CSMD2: variants seen among roughly 807,000 people sequenced by gnomAD.
CSMD2 encodes CUB and Sushi multiple domains 2, also known as CUB and sushi domain-containing protein 2.
A neutral mutation model predicts 398.5 loss-of-function variants in CSMD2; 130 were observed. That is an observed-to-expected ratio of 0.33 (90% CI 0.28 to 0.38). CSMD2 has a LOEUF of 0.38. Ranked by LOEUF, CSMD2 falls within the 10% of genes least tolerant of loss-of-function variation. The probability of loss-of-function intolerance (pLI) is 1.00; values close to 1 mark genes in which losing one functional copy is unlikely to be tolerated. For missense variants in CSMD2, 3,829 were observed against 4,764.9 expected, an observed-to-expected ratio of 0.80 and a Z score of 5.78; for synonymous variants, 1,828 against 1,908.5, an observed-to-expected ratio of 0.96 and a Z score of 1.10.
At chr1:33,732,166 A>T (rs1646741960) in intron 15 of CSMD2, among the ~76,000 whole-genome samples, 1 of 152,192 alleles carries the variant, frequency 6.6e-6, no homozygotes, top group Non-Finnish European at 1.5e-5. Flanking sequence ...AAAAGAAGGA[A>T]GGATCCTCTC....
chr1:33,811,838 G>A (rs553996398), intron 9 of CSMD2, among the ~76,000 whole-genome samples: 1 of 152,330 alleles, frequency 6.6e-6, no homozygotes, highest in East Asian at 1.9e-4. Context: ...CTAAGAGCCT[G>A]TTCTCATGCT....
intron 3 of CSMD2, among the ~76,000 whole-genome samples, chr1:33,980,600 A>C (rs1646131419): frequency 6.6e-6 from 1 of 152,046 alleles, no homozygotes. Flanking sequence ...CTCTCTGTCC[A>C]CTCAACCATT....
intron 15 of CSMD2, among the ~76,000 whole-genome samples, chr1:33,731,162 G>T (rs990095074): frequency 1.3e-5 from 2 of 152,162 alleles, no homozygotes; most frequent in Admixed American, 1.3e-4. Flanking sequence ...TGCAACTTTG[G>T]AAGGTGTTAG....
intron 2 of CSMD2, among the ~76,000 whole-genome samples, chr1:34,061,134 G>A (rs904304240): frequency 8.5e-5 from 13 of 152,158 alleles, no homozygotes; most frequent in Non-Finnish European, 1.0e-4. Context: ...TCTCTGCAAT[G>A]GGGAGAGGGG....
At chr1:34,156,000 C>T (rs992061990) in intron 1 of CSMD2, among the ~76,000 whole-genome samples, 1 of 152,206 alleles carries the variant, frequency 6.6e-6, no homozygotes, top group Non-Finnish European at 1.5e-5. Flanking sequence ...CTAGGCCAAA[C>T]AAGGCCTTTC....
chr1:33,600,779 G>T, intron 44 of CSMD2, 86 bp downstream of exon 44: 2 of 1,402,452 alleles, frequency 1.4e-6, no homozygotes, highest in South Asian at 1.2e-5. Context: ...AAGGTCACAT[G>T]ATCCGCAAAT....
chr1:33,846,866 G>A lies in CSMD2; in HGVS notation c.1033+18C>T. On this transcript the variant is annotated intron_variant, in intron 6 of 70. Transcript: ENST00000373381. Reference sequence around the variant, plus strand: ...TGCTGCCCACTGAGGAAGCCAGACAGTCCTGGGACCTGCCTACCTTGGTAT... The same window carrying A: ...TGCTGCCCACTGAGGAAGCCAGACAATCCTGGGACCTGCCTACCTTGGTAT... 1 of 1,561,044 alleles carries A rather than the reference G, an allele frequency of 6.4e-7. No homozygotes were observed. Among genetic ancestry groups the A allele is most frequent in the Non-Finnish European group, 8.8e-7 (1 of 1,142,416 alleles).
chr1:33,771,855 T>C (rs1019328391), intron 13 of CSMD2, among the ~76,000 whole-genome samples: 2 of 152,184 alleles, frequency 1.3e-5, no homozygotes, highest in African/African-American at 4.8e-5. Context: ...AAATTTTGAT[T>C]TCCCACAGAG....
chr1:34,032,422 A>G (rs1173188005), intron 3 of CSMD2, among the ~76,000 whole-genome samples, 172 bp downstream of exon 3: 1 of 152,248 alleles, frequency 6.6e-6, no homozygotes, highest in Admixed American at 6.5e-5. Flanking sequence ...CCTGGGAACC[A>G]AGAGGGACAA....
At chr1:34,099,578 G>A (rs1054209923) in intron 1 of CSMD2, among the ~76,000 whole-genome samples, 3 of 152,212 alleles carry the variant, frequency 2.0e-5, no homozygotes, top group Admixed American at 6.5e-5. Context: ...AAGAAGTGAA[G>A]GAGTTCAGAA....
intron 37 of CSMD2, among the ~76,000 whole-genome samples, chr1:33,619,320 T>TGGGG (rs1641606727): frequency 6.6e-6 from 1 of 152,170 alleles, no homozygotes; most frequent in East Asian, 1.9e-4. Context: ...CAGGCTCCTT[T>TGGGG]GGGGGATACA....
intron 3 of CSMD2, among the ~76,000 whole-genome samples, chr1:33,997,453 C>G (rs74437786): frequency 0.043 from 6,605 of 152,248 alleles, 495 homozygotes; most frequent in African/African-American, 0.15. Flanking sequence ...CTGCTCTGAT[C>G]CATTTAATAT....
chr1:33,935,295 G>C (rs543956195), intron 4 of CSMD2, among the ~76,000 whole-genome samples: 1 of 152,232 alleles, frequency 6.6e-6, no homozygotes, highest in East Asian at 1.9e-4. Flanking sequence ...GGAGTAAAGA[G>C]ATTTTGAGCA....
intron 48 of CSMD2, among the ~76,000 whole-genome samples, chr1:33,580,209 G>A (rs1354564749): frequency 1.3e-5 from 2 of 152,084 alleles, no homozygotes; most frequent in Admixed American, 6.6e-5. Context: ...ACCACAGACA[G>A]TAATCCCCAT....
rs530287039 is a variant in CSMD2 at position 33,657,188 on chromosome 1, G to C, written c.4447+758C>G. Among the ~76,000 whole-genome samples the C allele has an allele frequency of 3.3e-5, 5 of 152,312 alleles. No homozygotes were observed. In the South Asian group the frequency reaches 1.0e-3, roughly 32 times the overall value. ...CAGGAAGGTTTTAAGACTGAGGACA[G>C]ATCTAAAGAAACAAAACCTGTAATC... On this transcript the variant is annotated intron_variant, in intron 27 of 70. Coordinates refer to ENST00000373381, the MANE Select transcript of CSMD2 (RefSeq NM_001281956.2).
At chr1:33,756,665 G>A (rs1649067907) in intron 13 of CSMD2, among the ~76,000 whole-genome samples, 1 of 152,190 alleles carries the variant, frequency 6.6e-6, no homozygotes, top group Non-Finnish European at 1.5e-5. Flanking sequence ...GACAGATGGA[G>A]CAAGGAACAC....
intron 5 of CSMD2, among the ~76,000 whole-genome samples, chr1:33,881,658 A>G (rs1327071627): frequency 6.6e-6 from 1 of 152,164 alleles, no homozygotes; most frequent in African/African-American, 2.4e-5. Flanking sequence ...TCTGTTAGAA[A>G]ATTTGTTCCT....
chr1:33,543,397 C>A (rs562600096), intron 57 of CSMD2, among the ~76,000 whole-genome samples: 1 of 152,366 alleles, frequency 6.6e-6, no homozygotes, highest in Admixed American at 6.5e-5. Context: ...ATTTTGCTAA[C>A]TGCATCAATG....
chr1:33,892,144 A>G (rs1642068663), intron 5 of CSMD2, among the ~76,000 whole-genome samples: 1 of 151,724 alleles, frequency 6.6e-6, no homozygotes, highest in African/African-American at 2.4e-5. Context: ...TATTTGTGAC[A>G]ACTATAGTAT....
Sources: allele counts gnomAD v4.1 joint callset (sites outside exome capture counted in the v4.1 genomes callset), GRCh38; gene constraint gnomAD v4.1.1; transcripts MANE v1.5; gene names NCBI Gene and HGNC (gene_info 2026-07-23, HGNC 2026-07-21).